The following MVD variants were observed in gnomAD, a reference collection of about 807,000 sequenced individuals.
The protein encoded by MVD is mevalonate diphosphate decarboxylase.
Under a neutral mutation model 42.4 loss-of-function variants are expected in MVD, and 52 were observed. The observed-to-expected ratio is 1.23, with a 90% CI of 0.98 to 1.55. The LOEUF is 1.55. Among genes scored for constraint, MVD ranks in the 40% most tolerant of loss-of-function variants. The probability of loss-of-function intolerance (pLI) is 0.00; values close to 1 mark genes in which losing one functional copy is unlikely to be tolerated. For synonymous variants in MVD, 287 were observed against 243.2 expected, an observed-to-expected ratio of 1.18 and a Z score of -1.68; for missense variants, 663 against 572.1, an observed-to-expected ratio of 1.16 and a Z score of -1.62.
At chr16:88,655,613 G>A (rs1269692734) in intron 6 of MVD, 43 bp downstream of exon 6, 1 of 1,543,666 alleles carries the variant, frequency 6.5e-7, no homozygotes, top group African/African-American at 1.4e-5. Context: ...CCGGGCACAA[G>A]CGTGACTCCC....
At chr16:88,653,928 A>C (rs1440261248) in intron 8 of MVD, among the ~76,000 whole-genome samples, 2 of 152,014 alleles carry the variant, frequency 1.3e-5, no homozygotes, top group African/African-American at 2.4e-5. Context: ...TGACCATTAG[A>C]AGGTGTTATT....
intron 2 of MVD, 135 bp from the exon 3 acceptor site, chr16:88,658,164 G>A (rs1908062095): frequency 3.5e-6 from 3 of 845,114 alleles, no homozygotes; most frequent in Non-Finnish European, 5.6e-6. Flanking sequence ...GGGGGGGAAA[G>A]GCCAGTCTCA....
chr16:88,660,309 C>T (rs1435836224), intron 1 of MVD, among the ~76,000 whole-genome samples: 3 of 152,204 alleles, frequency 2.0e-5, no homozygotes, highest in Non-Finnish European at 4.4e-5. Flanking sequence ...TAAAGAAGAC[C>T]AGAGTCTCTG....
rs774779770 is a variant in MVD at position 88,657,962 on chromosome 16, C to T, written c.209G>A (p.Arg70Gln). ...FTEDRIWLNG[R>Q]EEDVGQPRLQ... is the part of the protein sequence containing the mutation. ...CCGCGGCTGCCCCACATCCTCCTCCCGGCCATTCAGCCAAATCCGGTCCTC... is the reference window on the plus strand; with the variant it reads ...CCGCGGCTGCCCCACATCCTCCTCCTGGCCATTCAGCCAAATCCGGTCCTC... The change falls in exon 3 of 10, where the codon CGG (arginine) becomes CAG (glutamine). Residue 70 changes from arginine to glutamine, a missense_variant. Coordinates refer to ENST00000301012, the MANE Select transcript of MVD (RefSeq NM_002461.3). The T allele has an allele frequency of 1.1e-4, 185 of 1,613,846 alleles. No homozygotes were observed. Among genetic ancestry groups the T allele is most frequent in the Non-Finnish European group, 1.4e-4 (170 of 1,180,048 alleles).
At chr16:88,654,998 G>A (rs904206723) in intron 7 of MVD, 191 bp from the exon 8 acceptor site, 2 of 855,676 alleles carry the variant, frequency 2.3e-6, no homozygotes, top group Non-Finnish European at 1.8e-6. Flanking sequence ...GGAAGAAGGT[G>A]GTGGGGCCGT....
chr16:88,654,232 A>G (rs1048513928), intron 8 of MVD, among the ~76,000 whole-genome samples: 1 of 152,156 alleles, frequency 6.6e-6, no homozygotes, highest in Non-Finnish European at 1.5e-5. Context: ...ACCCCACCCA[A>G]GAAAAGACAC....
At chr16:88,661,935 TAC>T (rs1184616622) in intron 1 of MVD, among the ~76,000 whole-genome samples, 3 of 41,910 alleles carry the variant, frequency 7.2e-5, no homozygotes, top group African/African-American at 1.4e-4. Context: ...CATATATCTA[TAC>T]AGGTGTATAT....
intron 5 of MVD, 23 bp from the exon 6 acceptor site, chr16:88,655,753 G>C (rs1907878968): frequency 1.3e-6 from 2 of 1,550,408 alleles, no homozygotes; most frequent in Non-Finnish European, 1.7e-6. Flanking sequence ...GAGACAGCCT[G>C]GGCCACACCC....
At chr16:88,658,376 T>A (rs1908076684) in intron 2 of MVD, among the ~76,000 whole-genome samples, 1 of 152,306 alleles carries the variant, frequency 6.6e-6, no homozygotes, top group South Asian at 2.1e-4. Context: ...CACTGCGTGC[T>A]GGCTGGGAGT....
chr16:88,658,955 T>G, intron 1 of MVD: 1 of 503,988 alleles, frequency 2.0e-6, no homozygotes. Context: ...CCGTCCCCGC[T>G]CCCCATTCCT....
intron 1 of MVD, chr16:88,662,079 T>C (rs894193707): frequency 6.6e-6 from 1 of 152,126 alleles, no homozygotes; most frequent in Non-Finnish European, 1.5e-5. Context: ...TGGAAATGTA[T>C]GTTCACACAA....
chr16:88,654,916 C>T, intron 7 of MVD, 109 bp from the exon 8 acceptor site: 2 of 1,094,748 alleles, frequency 1.8e-6, no homozygotes, highest in Admixed American at 2.9e-5. Flanking sequence ...TCAGTCTAGG[C>T]CCTCAGGGCC....
rs1361445718 is a variant in MVD, at chr16:88,652,080, G to A, written c.*445C>T. On this transcript the variant is annotated 3_prime_UTR_variant, in exon 10 of 10. Transcript: ENST00000301012. Reference sequence around the variant, plus strand: ...GGGGCAGGGTCTCAGCAGAAGCGCCGTGGGCAGCCACCATCCGAGGCACTT... The same window carrying A: ...GGGGCAGGGTCTCAGCAGAAGCGCCATGGGCAGCCACCATCCGAGGCACTT... The A allele has an allele frequency of 2.7e-5, 6 of 219,492 alleles. No homozygotes were observed. Among genetic ancestry groups the A allele is most frequent in the Admixed American group, 5.3e-5 (1 of 18,798 alleles). The allele number at this position is 219,492 out of a possible 1,614,324, so 13.6% of individuals were successfully genotyped here. A position where few individuals can be genotyped will look rare whatever the true frequency, so the allele number is the denominator to read the frequency against.
chr16:88,657,341 C>T (rs2142902755), intron 4 of MVD, 95 bp downstream of exon 4: 1 of 1,495,214 alleles, frequency 6.7e-7, no homozygotes, highest in Non-Finnish European at 9.0e-7. Flanking sequence ...GCTCTTTTAG[C>T]CACGCCCAGC....
At position 88,657,419 on chromosome 16, in the gene MVD, TC is replaced by T. The variant is rs1907999822; in HGVS notation, c.403+16del. 1.6e-5 allele frequency: 25 copies of T among 1,582,206 alleles called. No individual in the cohort carries two copies. Among genetic ancestry groups the T allele is most frequent in the Non-Finnish European group, 2.1e-5 (25 of 1,165,526 alleles). On this transcript the variant is annotated intron_variant, in intron 4 of 9. Coordinates refer to ENST00000301012, the MANE Select transcript of MVD (RefSeq NM_002461.3). The stretch of plus-strand genomic sequence containing the variant: ...GCCCACAGCCCAGAACCCCTGCGGG[TC>T]TCTGTGGGCACCCACCTAGGCAGGC...
rs1465103764 is a variant in MVD, at chr16:88,657,930, C to T, written c.241G>A (p.Ala81Thr). The change falls in exon 3 of 10, where the codon GCC becomes ACC. Residue 81 changes from alanine (A) to threonine (T), a missense_variant. Physicochemically the swap from Ala to Thr is moderately conservative, Grantham distance 58. Transcript: ENST00000301012. The stretch of plus-strand genomic sequence containing the variant: ...CCCAGCTCACTCTCCCGCAGGCAGG[C>T]CTGCAGCCGCGGCTGCCCCACATCC... ...EEDVGQPRLQ[A>T]CLREIRCLAR... is the part of the protein sequence containing the mutation. 6.2e-7 allele frequency: 1 copy of T among 1,613,636 alleles called. No individual in the cohort carries two copies. Among genetic ancestry groups the T allele is most frequent in the East Asian group, 2.2e-5 (1 of 44,884 alleles).
chr16:88,653,371 A>G lies in MVD; in HGVS notation c.1051T>C (p.Ser351Pro). ...GCCAGCGCAGCCTGAAGCTCAGCTG[A>G]GAGAGGGGCCGGCCTCACCTGCAGC... ...KGLQVRPAPL[S>P]AELQAALAME... Residue 351 changes from serine (S) to proline (P), a missense_variant, in exon 9 of 10, where the codon TCA becomes CCA. Ser to Pro is a moderately conservative substitution (Grantham distance 74, BLOSUM62 -1). Coordinates refer to ENST00000301012, the MANE Select transcript of MVD (RefSeq NM_002461.3). 1.3e-6 allele frequency: 2 copies of G among 1,599,742 alleles called. No homozygotes were observed. The highest frequency in any genetic ancestry group is 1.7e-6 in the Non-Finnish European group (2 of 1,176,310).
rs1359459079 is a variant in MVD, at chr16:88,655,142, A to G, written c.897+57T>C. The G allele has an allele frequency of 9.1e-6, 14 of 1,533,816 alleles. No individual in the cohort carries two copies. The East Asian group carries it at 3.4e-4, about 38-fold the overall frequency. On this transcript the variant is annotated intron_variant, in intron 7 of 9. Coordinates refer to ENST00000301012, the MANE Select transcript of MVD (RefSeq NM_002461.3). The stretch of plus-strand genomic sequence containing the variant: ...CCCGGGGCCGTCTCCACGGCAGCAC[A>G]AGCCTAGACACGCGCTACAGCGCGA...
intron 7 of MVD, 29 bp downstream of exon 7, chr16:88,655,170 G>A (rs761226669): frequency 1.8e-5 from 28 of 1,548,920 alleles, no homozygotes; most frequent in Middle Eastern, 3.5e-4. Context: ...CAGCGCGAGC[G>A]CAGCCTCTGC....
Sources: gnomAD v4.1 joint callset for allele counts (sites outside exome capture counted in the v4.1 genomes callset) on GRCh38, gnomAD v4.1.1 for gene constraint, MANE v1.5 for transcripts, NCBI Gene and HGNC (gene_info 2026-07-23, HGNC 2026-07-21) for gene names.